The following HADHA variants were observed in gnomAD, a reference collection of about 807,000 sequenced individuals.
HADHA encodes trifunctional enzyme subunit alpha, mitochondrial.
In HADHA, 59 loss-of-function variants were observed where a neutral mutation model predicts 91.3. The observed-to-expected ratio is 0.65, with a 90% confidence interval of 0.52 to 0.80. The LOEUF (loss-of-function observed/expected upper bound fraction) is 0.80. Ranked by LOEUF, HADHA falls within the 30% of genes least tolerant of loss-of-function variation. The probability of loss-of-function intolerance (pLI) is 0.00; values close to 1 mark genes in which losing one functional copy is unlikely to be tolerated. For missense variants in HADHA, 800 were observed against 927.6 expected (o/e 0.86, Z 1.79); for synonymous variants, 320 against 338.9 (o/e 0.94, Z 0.61).
At position 26,201,210 on chromosome 2, in the gene HADHA, A is replaced by C. The variant is rs931733864; in HGVS notation, c.1331T>G (p.Val444Gly). ...AAGGTCCTCAAACACAGCTTCAATC[A>C]CCATGTCGGCCTTTTCAAAACCTTG... ...DYQGFEKADMVIEAVFEDLSL... is the reference protein window; with the variant it reads ...DYQGFEKADMGIEAVFEDLSL... The change falls in exon 13 of 20, where the codon GTG (valine) becomes GGG (glycine). Residue 444 changes from valine to glycine, a missense_variant. Val to Gly is a moderately radical substitution (Grantham distance 109, BLOSUM62 -3). Transcript: ENST00000380649. The C allele has an allele frequency of 6.2e-7, 1 of 1,613,762 alleles. No homozygotes were observed.
intron 7 of HADHA, among the ~76,000 whole-genome samples, chr2:26,215,946 A>G (rs1052611933): frequency 6.6e-6 from 1 of 152,248 alleles, no homozygotes; most frequent in Admixed American, 6.5e-5. Flanking sequence ...CCTCTGCCAG[A>G]TCTTGAACCT....
In HADHA at chr2:26,209,820, A is replaced by T. The variant is rs779130894; in HGVS notation, c.1045T>A (p.Cys349Ser). Reference protein sequence around the residue: ...LMGLYHGQVLCKKNKFGAPQK... With the variant: ...LMGLYHGQVLSKKNKFGAPQK... ...GGAGCTCCAAATTTATTCTTCTTGCACAGGACCTGACCATGGTAGAGTCCC... is the reference window on the plus strand; with the variant it reads ...GGAGCTCCAAATTTATTCTTCTTGCTCAGGACCTGACCATGGTAGAGTCCC... The change falls in exon 11 of 20, where the codon TGC (cysteine) becomes AGC (serine). Residue 349 changes from cysteine to serine, a missense_variant. Coordinates refer to ENST00000380649, the MANE Select transcript of HADHA (RefSeq NM_000182.5). 2 of 1,602,318 alleles carry T rather than the reference A, an allele frequency of 1.2e-6. No homozygotes were observed. The highest frequency in any genetic ancestry group is 1.7e-6 in the Non-Finnish European group (2 of 1,169,260).
intron 14 of HADHA, among the ~76,000 whole-genome samples, chr2:26,196,570 A>G (rs1189187637): frequency 2.0e-5 from 3 of 152,176 alleles, no homozygotes; most frequent in Admixed American, 6.6e-5. Context: ...GGATTTCCCA[A>G]TTTGTGGCAC....
chr2:26,224,863 A>AT (rs1289718736), intron 7 of HADHA, among the ~76,000 whole-genome samples: 3 of 152,230 alleles, frequency 2.0e-5, no homozygotes, highest in African/African-American at 4.8e-5. Flanking sequence ...ATAAGTGATT[A>AT]AAGTCCTATC....
rs918455201 is a variant in HADHA at position 26,219,511 on chromosome 2, C to T, written c.677-4336G>A. Among the ~76,000 whole-genome samples, 7 of 152,174 alleles carry T rather than the reference C, an allele frequency of 4.6e-5. No homozygotes were observed. In the South Asian group the frequency reaches 6.2e-4, roughly 14 times the overall value. ...AGGTCACCCTGGAAGGGTTAGAGGA[C>T]GCACCCTTCACCACCACTGTGAGAA... is the stretch of plus-strand genomic sequence containing the variant. On this transcript the variant is annotated intron_variant, in intron 7 of 19. Coordinates refer to ENST00000380649, the MANE Select transcript of HADHA (RefSeq NM_000182.5).
At chr2:26,212,758 A>G in intron 9 of HADHA, 132 bp from the exon 10 acceptor site, 1 of 743,762 alleles carries the variant, frequency 1.3e-6, no homozygotes, top group Admixed American at 1.9e-5. Flanking sequence ...TGAGAAAGAG[A>G]AGAGGACTGA....
At chr2:26,204,031 T>TA (rs1558319492) in intron 12 of HADHA, 31 bp downstream of exon 12, 1 of 1,610,250 alleles carries the variant, frequency 6.2e-7, no homozygotes, top group Non-Finnish European at 8.5e-7. Flanking sequence ...AAGGACATTC[T>TA]AACTCTTGCA....
Position 26,232,296 on chromosome 2 carries a change from G to T in HADHA, c.454-17C>A. 6.3e-7 allele frequency: 1 copy of T among 1,576,402 alleles called. No individual in the cohort carries two copies. Among genetic ancestry groups the T allele is most frequent in the South Asian group, 1.1e-5 (1 of 90,184 alleles). ...AATGGCAACCTTTGAACAAATGAAA[G>T]AAAATTAGAATGTTAGAAAATGTAA... On this transcript the variant is annotated splice_polypyrimidine_tract_variant and intron_variant, in intron 5 of 19. Coordinates refer to ENST00000380649, the MANE Select transcript of HADHA (RefSeq NM_000182.5).
chr2:26,192,807 TC>T (rs1437843620), intron 17 of HADHA, among the ~76,000 whole-genome samples: 3 of 152,116 alleles, frequency 2.0e-5, no homozygotes, highest in African/African-American at 7.2e-5. Context: ...ATTATAAAGC[TC>T]TGGCCTCTTC....
At chr2:26,235,930 C>A (rs147028949) in intron 4 of HADHA, among the ~76,000 whole-genome samples, 179 of 152,304 alleles carry the variant, frequency 1.2e-3, no homozygotes, top group African/African-American at 4.1e-3. Flanking sequence ...CTGCCTTTAA[C>A]AATCAAGTCC....
rs200602844 is a variant in HADHA at position 26,193,738 on chromosome 2, G to T, written c.1724C>A (p.Thr575Asn). 6.2e-7 allele frequency: 1 copy of T among 1,614,150 alleles called. No homozygotes were observed. Among genetic ancestry groups the T allele is most frequent in the East Asian group, 2.2e-5 (1 of 44,878 alleles). The change falls in exon 17 of 20, where the codon ACC becomes AAC. Residue 575 changes from threonine to asparagine, a missense_variant. Transcript: ENST00000380649. ...GVDPKKLDSL[T>N]TSFGFPVGAA... ...ACCCACAGGAAAGCCAAAGCTTGTG[G>T]TCAGGGAATCCAGCTTCTTCGGGTC...
chr2:26,192,650 G>T (rs1202861783), intron 17 of HADHA, among the ~76,000 whole-genome samples: 2 of 152,128 alleles, frequency 1.3e-5, no homozygotes, highest in Non-Finnish European at 2.9e-5. Flanking sequence ...GCTGGGCGAA[G>T]CAGGAGGATC....
rs1669830989 is a variant in HADHA at position 26,201,387 on chromosome 2, GC to G, written c.1221-68del. 4 of 1,074,902 alleles carry G rather than the reference GC, an allele frequency of 3.7e-6. No homozygotes were observed. The South Asian group carries it at 5.1e-5, about 14-fold the overall frequency. The allele number at this position is 1,074,902 out of a possible 1,614,324, so 66.6% of individuals were successfully genotyped here. ...ACTAACGTTTATTGAATGTCCATGGGCCAGAGCACACCTGTGTTTTTCACCA... is the reference window on the plus strand; with the variant it reads ...ACTAACGTTTATTGAATGTCCATGGGCAGAGCACACCTGTGTTTTTCACCA... On this transcript the variant is annotated intron_variant, in intron 12 of 19. Transcript: ENST00000380649.
intron 14 of HADHA, among the ~76,000 whole-genome samples, chr2:26,195,782 C>A (rs1669652804): frequency 6.6e-6 from 1 of 152,204 alleles, no homozygotes; most frequent in Non-Finnish European, 1.5e-5. Context: ...CAAGCACTGT[C>A]ATCACCTGGG....
At position 26,238,824 on chromosome 2, in the gene HADHA, A is replaced by G; in HGVS notation, c.180+110T>C. On this transcript the variant is annotated intron_variant, in intron 3 of 19. Transcript: ENST00000380649. Reference sequence around the variant, plus strand: ...ACTGTCAAAACTGTAAATTCATGTAAGATTACTGCCAGATTGGTAGATTTG... The same window carrying G: ...ACTGTCAAAACTGTAAATTCATGTAGGATTACTGCCAGATTGGTAGATTTG... The G allele has an allele frequency of 7.6e-6, 6 of 792,464 alleles. No homozygotes were observed. In the South Asian group the frequency reaches 8.4e-5, roughly 11 times the overall value. The allele number at this position is 792,464 out of a possible 1,614,324, so 49.1% of individuals were successfully genotyped here. A position where few individuals can be genotyped will look rare whatever the true frequency, so the allele number is the denominator to read the frequency against.
chr2:26,217,573 G>T (rs1379103755), intron 7 of HADHA, among the ~76,000 whole-genome samples: 1 of 152,092 alleles, frequency 6.6e-6, no homozygotes, highest in East Asian at 1.9e-4. Context: ...GCAGACAGAG[G>T]AAGGGAAAGG....
intron 3 of HADHA, among the ~76,000 whole-genome samples, chr2:26,238,374 A>T (rs1574627339): frequency 6.6e-6 from 1 of 152,192 alleles, no homozygotes; most frequent in African/African-American, 2.4e-5. Context: ...CTCACAATAA[A>T]GCTCTTCTTG....
At chr2:26,231,893 T>C (rs1475001845) in intron 6 of HADHA, among the ~76,000 whole-genome samples, 2 of 146,812 alleles carry the variant, frequency 1.4e-5, no homozygotes, top group East Asian at 4.0e-4. Context: ...CGCTTGAACC[T>C]GGGAGGAGAA....
At chr2:26,217,650 C>T (rs760192250) in intron 7 of HADHA, among the ~76,000 whole-genome samples, 2 of 152,084 alleles carry the variant, frequency 1.3e-5, no homozygotes, top group Non-Finnish European at 2.9e-5. Flanking sequence ...CCTGTAATTC[C>T]AGTGCTTTGG....
Sources: gnomAD v4.1 joint callset for allele counts (sites outside exome capture counted in the v4.1 genomes callset) on GRCh38, gnomAD v4.1.1 for gene constraint, MANE v1.5 for transcripts, NCBI Gene and HGNC (gene_info 2026-07-23, HGNC 2026-07-21) for gene names.